Variants in ZBTB16 observed in about 807,000 individuals in gnomAD.
The protein encoded by ZBTB16 is zinc finger and BTB domain-containing protein 16.
In ZBTB16, 8 loss-of-function variants were observed where a neutral mutation model predicts 56.8. The observed-to-expected ratio is 0.14, with a 90% CI of 0.08 to 0.25. The LOEUF (loss-of-function observed/expected upper bound fraction) is 0.25, where lower values mean the gene tolerates loss of function less well. ZBTB16 is among the 10% of genes least tolerant of loss of function. The pLI is 1.00. For missense variants in ZBTB16, 625 were observed against 903.0 expected (o/e 0.69, Z 3.95); for synonymous variants, 363 against 368.5 (o/e 0.98, Z 0.17).
intron 3 of ZBTB16, among the ~76,000 whole-genome samples, chr11:114,164,921 T>C (rs1156234363): frequency 6.6e-6 from 1 of 152,242 alleles, no homozygotes; most frequent in Non-Finnish European, 1.5e-5. Context: ...CCCTGTCCTT[T>C]GTGTCTGTGT....
At chr11:114,061,924 C>G (rs888976355) in intron 1 of ZBTB16, among the ~76,000 whole-genome samples, 1 of 152,156 alleles carries the variant, frequency 6.6e-6, no homozygotes, top group African/African-American at 2.4e-5. Flanking sequence ...GTGGAGTTCA[C>G]ACACCCAGCC....
intron 3 of ZBTB16, among the ~76,000 whole-genome samples, chr11:114,165,674 G>A (rs1387349606): frequency 6.6e-6 from 1 of 151,258 alleles, no homozygotes; most frequent in African/African-American, 2.5e-5. Context: ...CCCAGGAAAG[G>A]GGTCAGTGCC....
At chr11:114,091,159 G>T (rs1940170580) in intron 2 of ZBTB16, among the ~76,000 whole-genome samples, 1 of 152,094 alleles carries the variant, frequency 6.6e-6, no homozygotes, top group Non-Finnish European at 1.5e-5. Context: ...GACCAGCTTG[G>T]GCAGCATGGT....
chr11:114,245,756 T>G (rs1944802883), intron 5 of ZBTB16, among the ~76,000 whole-genome samples: 1 of 151,840 alleles, frequency 6.6e-6, no homozygotes, highest in Non-Finnish European at 1.5e-5. Flanking sequence ...CTGAAGAAAA[T>G]GTATGAAATG....
chr11:114,254,368 T>G lies in ZBTB16; in HGVS notation c.*3813T>G, dbSNP rs1944965794. 6.6e-6 allele frequency among the ~76,000 whole-genome samples: 1 copy of G among 151,998 alleles called. No individual in the cohort carries two copies. The highest frequency in any genetic ancestry group is 2.4e-5 in the African/African-American group (1 of 41,378). On this transcript the variant is annotated 3_prime_UTR_variant, in exon 7 of 7. Transcript: ENST00000335953. Reference sequence around the variant, plus strand: ...ATGCAACGCGGGCTTGTTTAATCTTTGTGCCTGAACAGTTTTTCCATGTTG... The same window carrying G: ...ATGCAACGCGGGCTTGTTTAATCTTGGTGCCTGAACAGTTTTTCCATGTTG...
chr11:114,103,883 C>T (rs112581899), intron 2 of ZBTB16, among the ~76,000 whole-genome samples: 1,701 of 152,198 alleles, frequency 0.011, 24 homozygotes, highest in African/African-American at 0.039. Context: ...CTGACCCTAG[C>T]GTGTGGGTTT....
chr11:114,081,172 G>A (rs1565614150), intron 2 of ZBTB16, among the ~76,000 whole-genome samples: 1 of 152,172 alleles, frequency 6.6e-6, no homozygotes, highest in Non-Finnish European at 1.5e-5. Context: ...ACTAGAATCT[G>A]ACTTGAGAGC....
chr11:114,082,711 G>T (rs1939810696), intron 2 of ZBTB16, among the ~76,000 whole-genome samples: 1 of 152,118 alleles, frequency 6.6e-6, no homozygotes, highest in Admixed American at 6.5e-5. Context: ...GAGAGGACAT[G>T]AAATGGACCC....
intron 2 of ZBTB16, among the ~76,000 whole-genome samples, chr11:114,088,332 C>T (rs891962061): frequency 1.6e-4 from 24 of 151,874 alleles, no homozygotes; most frequent in African/African-American, 3.9e-4. Context: ...AGTAGAGATG[C>T]GGTTTCGCCA....
chr11:114,178,315 C>T (rs1943167903), intron 3 of ZBTB16, among the ~76,000 whole-genome samples: 2 of 152,168 alleles, frequency 1.3e-5, no homozygotes, highest in African/African-American at 4.8e-5. Flanking sequence ...GTATTAAACA[C>T]TTTACATATA....
Position 114,250,983 on chromosome 11 carries a change from G to A in ZBTB16, c.*428G>A, listed in dbSNP as rs1423526203. On this transcript the variant is annotated 3_prime_UTR_variant, in exon 7 of 7. Transcript: ENST00000335953. This position sits in a 1 kb window ranked among gnomAD's most constrained non-coding sequence, Gnocchi z 6.0. Reference sequence around the variant, plus strand: ...CCCAGGAGATGAAGGGAGGGAGGAGGTGAGCCAGAAGGGCGCTCCCCTGCT... The same window carrying A: ...CCCAGGAGATGAAGGGAGGGAGGAGATGAGCCAGAAGGGCGCTCCCCTGCT... Among the ~76,000 whole-genome samples, 1 of 152,108 alleles carries A rather than the reference G, an allele frequency of 6.6e-6. No individual in the cohort carries two copies. Among genetic ancestry groups the A allele is most frequent in the Non-Finnish European group, 1.5e-5 (1 of 68,016 alleles).
rs1272889403 is a variant in ZBTB16, at chr11:114,246,296, G to GTA, written c.1625-898_1625-897dup. 4.6e-5 allele frequency among the ~76,000 whole-genome samples: 7 copies of GTA among 152,326 alleles called. No homozygotes were observed. The East Asian group carries it at 1.4e-3, about 29-fold the overall frequency. On this transcript the variant is annotated intron_variant, in intron 5 of 6. Coordinates refer to ENST00000335953, the MANE Select transcript of ZBTB16 (RefSeq NM_006006.6). ...GCATAGTGTGTCAGCAAGCTGACAA[G>GTA]TATATGGTACCCTGACTCTAGAGCC...
At chr11:114,138,754 G>A (rs1941866769) in intron 2 of ZBTB16, among the ~76,000 whole-genome samples, 2 of 151,700 alleles carry the variant, frequency 1.3e-5, no homozygotes, top group South Asian at 2.1e-4. Context: ...GCAGTGGTGC[G>A]ATCTCGGATC....
chr11:114,233,499 A>C lies in ZBTB16; in HGVS notation c.1454-8668A>C, dbSNP rs1232186653. 5.9e-5 allele frequency among the ~76,000 whole-genome samples: 9 copies of C among 152,056 alleles called. No homozygotes were observed. In the South Asian group the frequency reaches 1.9e-3, roughly 32 times the overall value. On this transcript the variant is annotated intron_variant, in intron 4 of 6. Coordinates refer to ENST00000335953, the MANE Select transcript of ZBTB16 (RefSeq NM_006006.6). ...CCTAGAAAGGGCAACGCAGCGTAGG[A>C]GGTAGATTGAATGTGAAGGTGGTTT...
At chr11:114,192,529 G>A (rs778564710) in intron 4 of ZBTB16, among the ~76,000 whole-genome samples, 13 of 152,306 alleles carry the variant, frequency 8.5e-5, no homozygotes, top group African/African-American at 1.4e-4. Flanking sequence ...GTATTTCAGC[G>A]TTCTTGTCCT....
chr11:114,123,933 AACAGAG>A (rs1941416483), intron 2 of ZBTB16, among the ~76,000 whole-genome samples: 1 of 152,192 alleles, frequency 6.6e-6, no homozygotes, highest in South Asian at 2.1e-4. Flanking sequence ...TACGTGCCGC[AACAGAG>A]ACCAGATGAT....
At chr11:114,163,130 C>T (rs1942638426) in intron 3 of ZBTB16, among the ~76,000 whole-genome samples, 1 of 152,242 alleles carries the variant, frequency 6.6e-6, no homozygotes, top group African/African-American at 2.4e-5. Flanking sequence ...ATAAATTATA[C>T]ACTGGCTGAT....
chr11:114,131,956 A>G (rs1006672400), intron 2 of ZBTB16, among the ~76,000 whole-genome samples: 1 of 152,158 alleles, frequency 6.6e-6, no homozygotes, highest in Non-Finnish European at 1.5e-5. Flanking sequence ...TTGGGAGTCA[A>G]TGAGTTCACA....
At chr11:114,101,861 G>A (rs1940620041) in intron 2 of ZBTB16, among the ~76,000 whole-genome samples, 1 of 152,164 alleles carries the variant, frequency 6.6e-6, no homozygotes, top group South Asian at 2.1e-4. Flanking sequence ...TATATTTGTT[G>A]CTCATTTTTG....
Sources: allele counts gnomAD v4.1 joint callset (sites outside exome capture counted in the v4.1 genomes callset), GRCh38; gene constraint gnomAD v4.1.1; non-coding constraint Gnocchi (gnomAD v3.1); transcripts MANE v1.5; gene names NCBI Gene and HGNC (gene_info 2026-07-23, HGNC 2026-07-21).